The following SHROOM2 variants were observed in gnomAD, a reference collection of about 807,000 sequenced individuals.
SHROOM2 encodes protein Shroom2.
Under a neutral mutation model 75.9 loss-of-function variants are expected in SHROOM2, and 33 were observed. That is an observed-to-expected ratio of 0.43 (90% confidence interval 0.33 to 0.58). SHROOM2 has a LOEUF of 0.58. Among genes scored for constraint, SHROOM2 ranks in the 20% least tolerant of loss-of-function variants. The pLI, the probability that SHROOM2 is intolerant of heterozygous loss-of-function variation, is 0.04. For missense variants in SHROOM2, 1,434 were observed against 1,461.2 expected, an observed-to-expected ratio of 0.98 and a Z score of 0.30; for synonymous variants, 655 against 663.6, an observed-to-expected ratio of 0.99 and a Z score of 0.20.
chrX:9,869,161 A>G (rs1281866961), intron 1 of SHROOM2, among the ~76,000 whole-genome samples: 1 of 110,289 alleles, frequency 9.1e-6, no homozygotes, highest in Admixed American at 9.6e-5. Flanking sequence ...GGGTTTCACC[A>G]TGTTGGCCAC....
chrX:9,942,657 T>A (rs1435708363), intron 8 of SHROOM2, among the ~76,000 whole-genome samples: 1 of 111,548 alleles, frequency 9.0e-6, no homozygotes, highest in Admixed American at 9.5e-5. Flanking sequence ...CGGAAGAGCT[T>A]CCATGCCCTC....
intron 1 of SHROOM2, among the ~76,000 whole-genome samples, chrX:9,855,391 T>C (rs1601947154): frequency 9.2e-6 from 1 of 108,825 alleles, no homozygotes; most frequent in South Asian, 4.0e-4. Flanking sequence ...CATTGTGTTA[T>C]GCATTTTAGC....
At chrX:9,866,688 C>T (rs1175820404) in intron 1 of SHROOM2, among the ~76,000 whole-genome samples, 3 of 111,551 alleles carry the variant, frequency 2.7e-5, no homozygotes, top group East Asian at 2.8e-4. Flanking sequence ...GACTATAAGA[C>T]GAGTCTTCCA....
At chrX:9,933,271 AAT>A (rs1056216771) in intron 6 of SHROOM2, among the ~76,000 whole-genome samples, 5 of 110,522 alleles carry the variant, frequency 4.5e-5, no homozygotes, top group Non-Finnish European at 9.5e-5. Flanking sequence ...CTTTAGGTGA[AAT>A]TGGTATTTTT....
intron 1 of SHROOM2, among the ~76,000 whole-genome samples, chrX:9,867,711 T>C (rs2084148306): frequency 9.0e-6 from 1 of 111,558 alleles, no homozygotes; most frequent in African/African-American, 3.3e-5. Context: ...TTCTGACTAC[T>C]TTTCCCCATA....
intron 5 of SHROOM2, among the ~76,000 whole-genome samples, chrX:9,931,654 C>G (rs939981437): frequency 1.8e-5 from 2 of 110,847 alleles, no homozygotes; most frequent in African/African-American, 6.6e-5. Flanking sequence ...TTTAAAAGAG[C>G]CTTTGTTGGT....
chrX:9,845,744 A>C (rs2084002973), intron 1 of SHROOM2, among the ~76,000 whole-genome samples: 1 of 108,608 alleles, frequency 9.2e-6, no homozygotes, highest in Non-Finnish European at 1.9e-5. Flanking sequence ...GTCCCTCTTC[A>C]TGAGTTGAGA....
At chrX:9,938,560 A>G (rs768815392) in intron 7 of SHROOM2, among the ~76,000 whole-genome samples, 2 of 112,246 alleles carry the variant, frequency 1.8e-5, no homozygotes, top group Non-Finnish European at 3.8e-5. Context: ...CTCTTGAAAT[A>G]GAAATGAAAA....
At position 9,895,651 on chromosome X, in the gene SHROOM2, G is replaced by T; in HGVS notation, c.1743G>T (p.Pro581=). ...WADGESSRIC[P]QETPLLHSLT... is the part of the protein sequence containing the mutation. ...ATGGGGAGAGCAGCAGGATCTGCCCGCAGGAGACGCCCCTGTTGCACTCCC... is the reference window on the plus strand; with the variant it reads ...ATGGGGAGAGCAGCAGGATCTGCCCTCAGGAGACGCCCCTGTTGCACTCCC... The change falls in exon 4 of 10, where the codon CCG becomes CCT. Residue 581 remains proline (P), a synonymous_variant. Coordinates refer to ENST00000380913, the MANE Select transcript of SHROOM2 (RefSeq NM_001649.4). 2.6e-6 allele frequency: 3 copies of T among 1,167,194 alleles called. No homozygotes were observed. Among genetic ancestry groups the T allele is most frequent in the Non-Finnish European group, 1.1e-6 (1 of 876,779 alleles).
chrX:9,842,789 G>A (rs997961982), intron 1 of SHROOM2, among the ~76,000 whole-genome samples: 4 of 111,798 alleles, frequency 3.6e-5, no homozygotes, highest in Non-Finnish European at 7.5e-5. Context: ...GGATCTGCCT[G>A]TGTCTGTCTG....
chrX:9,801,428 C>T (rs1446558844), intron 1 of SHROOM2, among the ~76,000 whole-genome samples: 1 of 111,790 alleles, frequency 8.9e-6, no homozygotes, highest in Non-Finnish European at 1.9e-5. Context: ...TGCTGTTACC[C>T]ACCTTGATCC....
In SHROOM2 at chrX:9,895,383, C is replaced by T. The variant is rs756799909; in HGVS notation, c.1475C>T (p.Ala492Val). The T allele has an allele frequency of 6.7e-6, 8 of 1,198,635 alleles. No homozygotes were observed. Among genetic ancestry groups the T allele is most frequent in the South Asian group, 3.7e-5 (2 of 54,721 alleles). Residue 492 changes from alanine (A) to valine (V), a missense_variant, in exon 4 of 10, where the codon GCG becomes GTG. By Grantham distance (64) the Ala-to-Val change is moderately conservative. Around this residue, in one of 3 missense-constraint regions of SHROOM2, gnomAD observed 1,340 missense variants for 1,338.3 expected, o/e 1.00. Transcript: ENST00000380913. Reference protein sequence around the residue: ...QGDLQAAQLWAGCWPSDTALG... With the variant: ...QGDLQAAQLWVGCWPSDTALG... ...GACCTGCAAGCAGCACAGCTCTGGG[C>T]GGGATGCTGGCCTTCTGACACAGCC...
intron 1 of SHROOM2, chrX:9,819,474 G>A (rs1309975339): frequency 3.8e-5 from 11 of 286,719 alleles, no homozygotes; most frequent in Non-Finnish European, 6.4e-5. Flanking sequence ...AGACATTTTG[G>A]CTTATTGGTG....
intron 5 of SHROOM2, among the ~76,000 whole-genome samples, chrX:9,907,475 C>G (rs1055176841): frequency 1.8e-5 from 2 of 111,337 alleles, no homozygotes; most frequent in African/African-American, 6.5e-5. Context: ...CCGGAATCAT[C>G]TGCAGAGTTT....
At chrX:9,921,127 C>T (rs1161299830) in intron 5 of SHROOM2, among the ~76,000 whole-genome samples, 1 of 110,886 alleles carries the variant, frequency 9.0e-6, no homozygotes, top group African/African-American at 3.3e-5. Flanking sequence ...GCCTCAGTTC[C>T]TCCCCACATG....
intron 5 of SHROOM2, among the ~76,000 whole-genome samples, chrX:9,927,993 A>G (rs1164337652): frequency 8.9e-6 from 1 of 112,027 alleles, no homozygotes; most frequent in Non-Finnish European, 1.9e-5. Context: ...CAGGATCTCT[A>G]GAGTGTTTGT....
chrX:9,891,803 T>C (rs2084294476), intron 3 of SHROOM2, among the ~76,000 whole-genome samples: 1 of 110,905 alleles, frequency 9.0e-6, no homozygotes, highest in African/African-American at 3.3e-5. Flanking sequence ...TCTCTTTGCT[T>C]GTATGTGCAT....
intron 6 of SHROOM2, among the ~76,000 whole-genome samples, chrX:9,933,905 G>A (rs2084674667): frequency 8.9e-6 from 1 of 112,276 alleles, no homozygotes; most frequent in Admixed American, 9.4e-5. Flanking sequence ...CTCAACCTAG[G>A]AGGTGGAGTG....
intron 5 of SHROOM2, among the ~76,000 whole-genome samples, chrX:9,904,918 G>C (rs1009049346): frequency 2.7e-5 from 3 of 112,455 alleles, no homozygotes; most frequent in Non-Finnish European, 5.6e-5. Context: ...CTGGAGTGCA[G>C]TGGCACAATC....
Sources: gnomAD v4.1 joint callset for allele counts (sites outside exome capture counted in the v4.1 genomes callset) on GRCh38, gnomAD v4.1.1 for gene constraint, gnomAD v4.1.1 regional missense constraint, MANE v1.5 for transcripts, NCBI Gene and HGNC (gene_info 2026-07-23, HGNC 2026-07-21) for gene names.